Variants in LRMDA observed in about 807,000 individuals in gnomAD.
The protein encoded by LRMDA is leucine-rich melanocyte differentiation-associated protein.
In LRMDA, 18 loss-of-function variants were observed where a neutral mutation model predicts 29.8. The ratio of observed to expected loss-of-function variants is 0.60; its 90% CI spans 0.42 to 0.90. LRMDA has a LOEUF of 0.90. Among genes scored for constraint, LRMDA ranks in the 40% least tolerant of loss-of-function variants. LRMDA has a pLI of 0.00. For missense variants in LRMDA, 273 were observed against 273.9 expected, an observed-to-expected ratio of 1.00 and a Z score of 0.02; for synonymous variants, 125 against 109.4, an observed-to-expected ratio of 1.14 and a Z score of -0.89.
chr10:75,709,450 A>G (rs539308535), intron 2 of LRMDA, among the ~76,000 whole-genome samples: 5 of 145,950 alleles, frequency 3.4e-5, no homozygotes, highest in African/African-American at 5.1e-5. Flanking sequence ...GTGTATGTGC[A>G]TGTGTGTGTG....
intron 5 of LRMDA, among the ~76,000 whole-genome samples, chr10:76,298,822 T>A (rs534461399): frequency 1.3e-5 from 2 of 152,208 alleles, no homozygotes; most frequent in Non-Finnish European, 2.9e-5. Context: ...GAAGGTCCAA[T>A]GGATCCTCTC....
intron 2 of LRMDA, among the ~76,000 whole-genome samples, chr10:75,936,793 C>T (rs922444924): frequency 6.6e-6 from 1 of 152,142 alleles, no homozygotes; most frequent in African/African-American, 2.4e-5. Flanking sequence ...ACTCTTATGA[C>T]CTCACCACCT....
chr10:76,090,888 G>A (rs1045438292), intron 5 of LRMDA, among the ~76,000 whole-genome samples: 3 of 152,194 alleles, frequency 2.0e-5, no homozygotes, highest in African/African-American at 7.2e-5. Flanking sequence ...CAGAGTTTTG[G>A]TTTTGGAAGA....
intron 6 of LRMDA, among the ~76,000 whole-genome samples, chr10:76,534,211 T>G (rs1197386415): frequency 7.2e-5 from 11 of 152,238 alleles, no homozygotes; most frequent in African/African-American, 2.4e-5. Flanking sequence ...TATCAGAGAT[T>G]GCTTTTTGCT....
At chr10:76,245,767 T>G (rs1852364544) in intron 5 of LRMDA, among the ~76,000 whole-genome samples, 2 of 152,212 alleles carry the variant, frequency 1.3e-5, no homozygotes, top group Admixed American at 1.3e-4. Flanking sequence ...ATGACAGCTC[T>G]GGGCATGCAT....
chr10:76,246,332 G>T (rs1024624290), intron 5 of LRMDA, among the ~76,000 whole-genome samples: 2 of 152,206 alleles, frequency 1.3e-5, no homozygotes, highest in Non-Finnish European at 2.9e-5. Context: ...TCAGAGATCA[G>T]GTTTCTAACG....
chr10:76,299,357 T>C (rs780080485), intron 5 of LRMDA, among the ~76,000 whole-genome samples: 13 of 152,276 alleles, frequency 8.5e-5, no homozygotes, highest in Admixed American at 2.6e-4. Flanking sequence ...TTCATTCCTT[T>C]AGATGTGAGA....
rs1457830971 is a variant in LRMDA, at chr10:76,036,070, T to TGGG, written c.197_199dup (p.Gly66dup). On this transcript the variant is annotated inframe_insertion, in exon 3 of 7. Transcript: ENST00000611255. Reference sequence around the variant, plus strand: ...GAACTCATCTTGGACAACAATCAGCTGGGGGACGACCTTGTGTTGCCAGGG... The same window carrying TGGG: ...GAACTCATCTTGGACAACAATCAGCTGGGGGGGGACGACCTTGTGTTGCCAGGG... 6.2e-7 allele frequency: 1 copy of TGGG among 1,614,126 alleles called. No homozygotes were observed. Among genetic ancestry groups the TGGG allele is most frequent in the South Asian group, 1.1e-5 (1 of 91,074 alleles).
chr10:75,962,548 CAT>C (rs921846875), intron 2 of LRMDA, among the ~76,000 whole-genome samples: 27 of 152,200 alleles, frequency 1.8e-4, no homozygotes, highest in African/African-American at 5.3e-4. Flanking sequence ...ACATCTGAAA[CAT>C]GTGTGCACAG....
At chr10:76,132,919 C>T (rs1257282887) in intron 5 of LRMDA, among the ~76,000 whole-genome samples, 3 of 150,330 alleles carry the variant, frequency 2.0e-5, no homozygotes, top group African/African-American at 7.3e-5. Flanking sequence ...TCTCCCGCCT[C>T]AGCCTCCTGA....
intron 2 of LRMDA, among the ~76,000 whole-genome samples, chr10:75,555,096 G>A (rs1208381037): frequency 1.3e-5 from 2 of 152,098 alleles, no homozygotes; most frequent in African/African-American, 4.8e-5. Context: ...ATTCTGATGG[G>A]GAGGAGTTTG....
chr10:76,256,016 T>G (rs1852587616), intron 5 of LRMDA, among the ~76,000 whole-genome samples: 1 of 152,234 alleles, frequency 6.6e-6, no homozygotes, highest in Non-Finnish European at 1.5e-5. Flanking sequence ...GCTCATTGTG[T>G]AATATCTTTA....
chr10:76,333,573 G>T (rs1299027521), intron 6 of LRMDA, among the ~76,000 whole-genome samples: 2 of 152,180 alleles, frequency 1.3e-5, no homozygotes, highest in Admixed American at 6.5e-5. Context: ...GGAACCTTAT[G>T]GCCACTATGG....
chr10:75,871,058 C>A (rs1015907860), intron 2 of LRMDA, among the ~76,000 whole-genome samples: 1 of 152,222 alleles, frequency 6.6e-6, no homozygotes, highest in African/African-American at 2.4e-5. Flanking sequence ...CCTAGTCCGA[C>A]CACTCCTTCA....
Position 76,459,606 on chromosome 10 carries a change from G to T in LRMDA, c.602-97603G>T, listed in dbSNP as rs1339978316. On this transcript the variant is annotated intron_variant, in intron 6 of 6. Transcript: ENST00000611255. Reference sequence around the variant, plus strand: ...CACTGCGAAATGTGTGGTTGAGTGAGGGTGGGAATAGGGAGAGGAAATGGT... The same window carrying T: ...CACTGCGAAATGTGTGGTTGAGTGATGGTGGGAATAGGGAGAGGAAATGGT... Among the ~76,000 whole-genome samples, 3 of 152,256 alleles carry T rather than the reference G, an allele frequency of 2.0e-5. No individual in the cohort carries two copies. The East Asian group carries it at 5.8e-4, about 29-fold the overall frequency.
intron 2 of LRMDA, among the ~76,000 whole-genome samples, chr10:75,795,203 G>C (rs923006428): frequency 6.6e-6 from 1 of 152,108 alleles, no homozygotes; most frequent in Non-Finnish European, 1.5e-5. Flanking sequence ...AGACCAGCCT[G>C]ACCAACATGG....
intron 5 of LRMDA, among the ~76,000 whole-genome samples, chr10:76,145,749 G>C (rs536896840): frequency 9.9e-4 from 150 of 151,868 alleles, no homozygotes; most frequent in Middle Eastern, 3.4e-3. Flanking sequence ...AATGTGTTTG[G>C]TCTTGCTTTT....
chr10:76,051,787 A>T (rs1564639701), intron 4 of LRMDA, among the ~76,000 whole-genome samples: 1 of 152,230 alleles, frequency 6.6e-6, no homozygotes, highest in Non-Finnish European at 1.5e-5. Flanking sequence ...ATCACAGGGC[A>T]AGATACACTC....
At chr10:76,222,638 G>A (rs905232722) in intron 5 of LRMDA, among the ~76,000 whole-genome samples, 6 of 152,172 alleles carry the variant, frequency 3.9e-5, no homozygotes, top group African/African-American at 1.2e-4. Context: ...GAGAGGATGT[G>A]GAGAAATAGG....
Sources: allele counts gnomAD v4.1 joint callset (sites outside exome capture counted in the v4.1 genomes callset), GRCh38; gene constraint gnomAD v4.1.1; transcripts MANE v1.5; gene names NCBI Gene and HGNC (gene_info 2026-07-23, HGNC 2026-07-21).